Variants in ARHGAP12 observed in about 807,000 individuals in gnomAD.
The protein encoded by ARHGAP12 is Rho GTPase activating protein 12, also known as rho GTPase-activating protein 12.
ARHGAP12 carries 64 observed loss-of-function variants against 108.6 expected under a neutral mutation model. The ratio of observed to expected loss-of-function variants is 0.59; its 90% CI spans 0.48 to 0.73. The LOEUF (loss-of-function observed/expected upper bound fraction) is 0.73, where lower values mean the gene tolerates loss of function less well. ARHGAP12 is among the 30% of genes least tolerant of loss of function. The probability of loss-of-function intolerance (pLI) is 0.00; values close to 1 mark genes in which losing one functional copy is unlikely to be tolerated. For synonymous variants in ARHGAP12, 312 were observed against 337.2 expected, an observed-to-expected ratio of 0.93 and a Z score of 0.82; for missense variants, 940 against 1,005.9, an observed-to-expected ratio of 0.93 and a Z score of 0.89.
intron 4 of ARHGAP12, among the ~76,000 whole-genome samples, chr10:31,857,828 T>A (rs1025986758): frequency 6.6e-6 from 1 of 152,202 alleles, no homozygotes; most frequent in Non-Finnish European, 1.5e-5. Context: ...ATACCCATGT[T>A]CTTCAAAAGT....
intron 10 of ARHGAP12, among the ~76,000 whole-genome samples, chr10:31,827,386 A>T (rs778980741): frequency 2.0e-5 from 3 of 152,244 alleles, no homozygotes; most frequent in Non-Finnish European, 4.4e-5. Flanking sequence ...AAAATAAATT[A>T]AAATTACCCT....
At position 31,831,045 on chromosome 10, in the gene ARHGAP12, T is replaced by G. The variant is rs529614964; in HGVS notation, c.1448+694A>C. 3.3e-5 allele frequency among the ~76,000 whole-genome samples: 5 copies of G among 152,360 alleles called. No homozygotes were observed. In the South Asian group the frequency reaches 1.0e-3, roughly 32 times the overall value. On this transcript the variant is annotated intron_variant, in intron 10 of 19. Coordinates refer to ENST00000344936, the MANE Select transcript of ARHGAP12 (RefSeq NM_018287.7). ...TGTAAAATTTATTTTATGGGCAGAT[T>G]TGCATACTTGCAAAATGAGTCATGC...
At chr10:31,883,713 C>CT (rs545505761) in intron 3 of ARHGAP12, among the ~76,000 whole-genome samples, 10,800 of 139,788 alleles carry the variant, frequency 0.077, 1,317 homozygotes, top group African/African-American at 0.26. Context: ...ATGTAAAATA[C>CT]TTTTTTTTTT....
chr10:31,864,959 A>G (rs1436721660), intron 3 of ARHGAP12, among the ~76,000 whole-genome samples: 2 of 152,230 alleles, frequency 1.3e-5, no homozygotes, highest in East Asian at 3.8e-4. Context: ...ACTAAGCCTT[A>G]GAAATAAATA....
chr10:31,848,972 C>A (rs1836568593), intron 6 of ARHGAP12, among the ~76,000 whole-genome samples: 1 of 151,800 alleles, frequency 6.6e-6, no homozygotes, highest in South Asian at 2.1e-4. Flanking sequence ...GTAGGAGAAT[C>A]ACTTGAACCT....
At chr10:31,916,678 G>T (rs967211972) in intron 1 of ARHGAP12, among the ~76,000 whole-genome samples, 14 of 152,064 alleles carry the variant, frequency 9.2e-5, no homozygotes, top group Admixed American at 2.0e-4. Flanking sequence ...GTGCAGTGGC[G>T]CCATCTTGGC....
intron 3 of ARHGAP12, among the ~76,000 whole-genome samples, chr10:31,873,822 A>G (rs1285084520): frequency 6.6e-6 from 1 of 152,234 alleles, no homozygotes; most frequent in African/African-American, 2.4e-5. Flanking sequence ...AAAAGTATTC[A>G]TCCAGATATG....
chr10:31,918,033 G>C (rs909315791), intron 1 of ARHGAP12, among the ~76,000 whole-genome samples: 1 of 151,512 alleles, frequency 6.6e-6, no homozygotes, highest in African/African-American at 2.4e-5. Flanking sequence ...ATAGCTCACT[G>C]CAGCCTTAAA....
chr10:31,885,567 C>A (rs557440389), intron 3 of ARHGAP12, among the ~76,000 whole-genome samples: 6 of 152,272 alleles, frequency 3.9e-5, no homozygotes, highest in African/African-American at 1.4e-4. Context: ...ACCTGTAATT[C>A]CAGCACTTTG....
intron 1 of ARHGAP12, among the ~76,000 whole-genome samples, chr10:31,917,953 CTT>C (rs112078074): frequency 2.7e-5 from 4 of 146,880 alleles, no homozygotes; most frequent in Admixed American, 6.8e-5. Context: ...TATCAAATAC[CTT>C]TTTTTTTTTT....
chr10:31,874,955 C>T (rs1044658916), intron 3 of ARHGAP12, among the ~76,000 whole-genome samples: 3 of 104,774 alleles, frequency 2.9e-5, no homozygotes, highest in African/African-American at 3.9e-5. Flanking sequence ...GACTGGGTGA[C>T]AACGCAAGAC....
rs530382043 is a variant in ARHGAP12 at position 31,889,630 on chromosome 10, T to G, written c.684+18542A>C. Among the ~76,000 whole-genome samples, 5 of 136,728 alleles carry G rather than the reference T, an allele frequency of 3.7e-5. No homozygotes were observed. The South Asian group carries it at 7.1e-4, about 19-fold the overall frequency. 89.7% of individuals were successfully genotyped at this position (136,728 alleles called of 152,430 possible). ...TCTTAATTTTTCTCGTTTTTTTTTT[T>G]TTTTTTTTTTTTTTGAGACAGGATC... On this transcript the variant is annotated intron_variant, in intron 3 of 19. Coordinates refer to ENST00000344936, the MANE Select transcript of ARHGAP12 (RefSeq NM_018287.7).
intron 13 of ARHGAP12, among the ~76,000 whole-genome samples, chr10:31,814,831 C>T (rs567755165): frequency 1.3e-5 from 2 of 152,086 alleles, no homozygotes; most frequent in South Asian, 2.1e-4. Flanking sequence ...AATCCTAGAG[C>T]GGCCAGGCGT....
At chr10:31,917,086 C>G (rs1407217070) in intron 1 of ARHGAP12, among the ~76,000 whole-genome samples, 1 of 151,954 alleles carries the variant, frequency 6.6e-6, no homozygotes, top group Admixed American at 6.6e-5. Flanking sequence ...TCAAATCCTC[C>G]GAGTATTTTT....
chr10:31,882,820 GAAA>G (rs60532023), intron 3 of ARHGAP12, among the ~76,000 whole-genome samples: 33,301 of 130,354 alleles, frequency 0.26, 3,938 homozygotes, highest in Non-Finnish European at 0.31. Context: ...CTCTTAAAAA[GAAA>G]AAAAAAAAAA....
chr10:31,851,811 C>A (rs1836692168), intron 6 of ARHGAP12, among the ~76,000 whole-genome samples: 2 of 152,104 alleles, frequency 1.3e-5, no homozygotes, highest in South Asian at 4.1e-4. Context: ...GGGGAAAAGA[C>A]AAATTTTAAA....
Position 31,831,730 on chromosome 10 carries a change from T to A in ARHGAP12, c.1448+9A>T. 1 of 1,546,736 alleles carries A rather than the reference T, an allele frequency of 6.5e-7. No homozygotes were observed. The highest frequency in any genetic ancestry group is 1.1e-5 in the South Asian group (1 of 87,306). On this transcript the variant is annotated intron_variant, in intron 10 of 19. Coordinates refer to ENST00000344936, the MANE Select transcript of ARHGAP12 (RefSeq NM_018287.7). ...ATCATGTAAGAACATTAAAGACTTGTGTACTTACCGAACCTTTTTCCCATT... is the reference window on the plus strand; with the variant it reads ...ATCATGTAAGAACATTAAAGACTTGAGTACTTACCGAACCTTTTTCCCATT...
At chr10:31,849,966 G>A (rs1341337205) in intron 6 of ARHGAP12, among the ~76,000 whole-genome samples, 1 of 152,140 alleles carries the variant, frequency 6.6e-6, no homozygotes, top group Non-Finnish European at 1.5e-5. Context: ...CCCAGTAGGA[G>A]TATTTAGCTA....
At chr10:31,891,728 T>C (rs552969390) in intron 3 of ARHGAP12, among the ~76,000 whole-genome samples, 3 of 152,230 alleles carry the variant, frequency 2.0e-5, no homozygotes, top group Non-Finnish European at 2.9e-5. Context: ...CAATCAGATG[T>C]AGATTTGGTC....
Sources: allele counts gnomAD v4.1 joint callset (sites outside exome capture counted in the v4.1 genomes callset), GRCh38; gene constraint gnomAD v4.1.1; transcripts MANE v1.5; gene names NCBI Gene and HGNC (gene_info 2026-07-23, HGNC 2026-07-21).